The following RBFOX1 variants were observed in gnomAD, a reference collection of about 807,000 sequenced individuals.
RBFOX1 encodes RNA binding protein fox-1 homolog 1.
A neutral mutation model predicts 57.7 loss-of-function variants in RBFOX1; 8 were observed. The ratio of observed to expected loss-of-function variants is 0.14; its 90% confidence interval spans 0.08 to 0.25. RBFOX1 has a LOEUF of 0.25. Among genes scored for constraint, RBFOX1 ranks in the 10% least tolerant of loss-of-function variants. RBFOX1 has a pLI of 1.00. For synonymous variants in RBFOX1, 326 were observed against 222.4 expected (o/e 1.47, Z -4.15); for missense variants, 611 against 548.5 (o/e 1.11, Z -1.14).
At chr16:5,999,340 C>T (rs1021232159) in intron 4 of RBFOX1, among the ~76,000 whole-genome samples, 14 of 152,354 alleles carry the variant, frequency 9.2e-5, no homozygotes, top group Admixed American at 7.2e-4. Context: ...TCAGACATCA[C>T]TTCCACAAAT....
At chr16:5,675,904 G>T (rs182327622) in intron 3 of RBFOX1, among the ~76,000 whole-genome samples, 1 of 152,206 alleles carries the variant, frequency 6.6e-6, no homozygotes, top group Non-Finnish European at 1.5e-5. Context: ...GCTCTCATTT[G>T]GGGGAACATA....
chr16:6,152,719 C>T (rs1006796094), intron 1 of RBFOX1, among the ~76,000 whole-genome samples: 1 of 152,118 alleles, frequency 6.6e-6, no homozygotes, highest in Non-Finnish European at 1.5e-5. Flanking sequence ...ACACATCTTC[C>T]ACGTGGGCCC....
intron 4 of RBFOX1, among the ~76,000 whole-genome samples, chr16:7,398,892 G>A (rs751176969): frequency 3.3e-5 from 5 of 152,088 alleles, no homozygotes; most frequent in Non-Finnish European, 7.4e-5. Context: ...TCATTCATAC[G>A]GCTACTGTAA....
chr16:6,609,497 C>G (rs935402116), intron 2 of RBFOX1, among the ~76,000 whole-genome samples: 2 of 152,064 alleles, frequency 1.3e-5, no homozygotes, highest in Admixed American at 1.3e-4. Context: ...GTGCATGCCA[C>G]CACACTTGGC....
At chr16:6,672,482 G>GA in intron 3 of RBFOX1, among the ~76,000 whole-genome samples, 1 of 148,836 alleles carries the variant, frequency 6.7e-6, no homozygotes, top group East Asian at 2.0e-4. Context: ...AAAGAAAAAA[G>GA]AAAAAGGGAG....
chr16:6,202,674 C>G (rs376446524), intron 1 of RBFOX1, among the ~76,000 whole-genome samples: 9 of 152,138 alleles, frequency 5.9e-5, no homozygotes, highest in African/African-American at 2.2e-4. Flanking sequence ...TCGGAGGTAA[C>G]TATACATCCA....
chr16:6,242,421 A>T (rs558542897), intron 1 of RBFOX1, among the ~76,000 whole-genome samples: 17 of 151,616 alleles, frequency 1.1e-4, no homozygotes, highest in Middle Eastern at 3.4e-3. Flanking sequence ...TGGAGACAGG[A>T]TCTCACTATG....
At chr16:5,691,309 C>G (rs1454708140) in intron 3 of RBFOX1, among the ~76,000 whole-genome samples, 1 of 152,144 alleles carries the variant, frequency 6.6e-6, no homozygotes, top group African/African-American at 2.4e-5. Flanking sequence ...ACATAAGACC[C>G]TGGGAAGCTG....
rs2050909633 is a variant in RBFOX1 at position 5,698,167 on chromosome 16, T to C, written c.318+99206T>C. On this transcript the variant is annotated intron_variant, in intron 3 of 19. Coordinates refer to the RBFOX1 transcript ENST00000641259. ...TTTATTTGAGATTTTTACATCTGTGTTGATAAGTGAGAATGGTTTATAATT... is the reference window on the plus strand; with the variant it reads ...TTTATTTGAGATTTTTACATCTGTGCTGATAAGTGAGAATGGTTTATAATT... 2.0e-5 allele frequency among the ~76,000 whole-genome samples: 3 copies of C among 152,226 alleles called. No homozygotes were observed. The South Asian group carries it at 6.2e-4, about 31-fold the overall frequency.
At chr16:7,089,543 C>T (rs1284592244) in intron 4 of RBFOX1, among the ~76,000 whole-genome samples, 1 of 152,012 alleles carries the variant, frequency 6.6e-6, no homozygotes, top group African/African-American at 2.4e-5. Context: ...ATCAATAATT[C>T]CTTTAGGCTG....
At chr16:7,041,319 C>T (rs1052308561) in intron 3 of RBFOX1, among the ~76,000 whole-genome samples, 23 of 151,978 alleles carry the variant, frequency 1.5e-4, no homozygotes, top group Non-Finnish European at 2.9e-4. Flanking sequence ...ATGGGAGAAC[C>T]GAGTAGCTGC....
At chr16:6,834,995 C>T (rs760757217) in intron 3 of RBFOX1, among the ~76,000 whole-genome samples, 1 of 151,670 alleles carries the variant, frequency 6.6e-6, no homozygotes, top group Non-Finnish European at 1.5e-5. Flanking sequence ...CAGGTTCACG[C>T]CATTCTCCTG....
intron 2 of RBFOX1, among the ~76,000 whole-genome samples, chr16:6,619,314 C>T (rs1345041494): frequency 6.6e-6 from 1 of 152,124 alleles, no homozygotes; most frequent in Non-Finnish European, 1.5e-5. Flanking sequence ...CTCTCGTTTG[C>T]ATATCTTGGT....
At chr16:7,391,850 C>G (rs12446442) in intron 4 of RBFOX1, among the ~76,000 whole-genome samples, 1 of 152,100 alleles carries the variant, frequency 6.6e-6, no homozygotes, top group African/African-American at 2.4e-5. Context: ...CACAACCAGC[C>G]TGTCCAGACA....
intron 4 of RBFOX1, among the ~76,000 whole-genome samples, chr16:7,441,560 G>C (rs1468873577): frequency 2.0e-5 from 3 of 151,846 alleles, no homozygotes; most frequent in Non-Finnish European, 4.4e-5. Context: ...TTGTAAACCT[G>C]AAATCTACAC....
intron 4 of RBFOX1, among the ~76,000 whole-genome samples, chr16:7,396,157 G>C (rs1293918191): frequency 1.3e-5 from 2 of 152,090 alleles, no homozygotes; most frequent in Non-Finnish European, 2.9e-5. Flanking sequence ...AGGAGGACGA[G>C]AGGAAGAAGA....
chr16:5,490,950 T>C (rs1450620348), intron 2 of RBFOX1, among the ~76,000 whole-genome samples: 1 of 152,160 alleles, frequency 6.6e-6, no homozygotes, highest in Admixed American at 6.5e-5. Flanking sequence ...CAAACCTAGA[T>C]AATGTATATA....
chr16:5,769,023 T>G (rs956397006), intron 3 of RBFOX1, among the ~76,000 whole-genome samples: 1 of 152,024 alleles, frequency 6.6e-6, no homozygotes, highest in Non-Finnish European at 1.5e-5. Flanking sequence ...TCAAACAATT[T>G]TGTCAGCAGA....
At chr16:6,046,486 A>C (rs1186193455) in intron 1 of RBFOX1, among the ~76,000 whole-genome samples, 1 of 152,196 alleles carries the variant, frequency 6.6e-6, no homozygotes, top group African/African-American at 2.4e-5. Context: ...TGTATACTCG[A>C]GTCTAGAGCT....
Sources: gnomAD v4.1 joint callset for allele counts (sites outside exome capture counted in the v4.1 genomes callset) on GRCh38, gnomAD v4.1.1 for gene constraint, MANE v1.5 for transcripts, NCBI Gene and HGNC (gene_info 2026-07-23, HGNC 2026-07-21) for gene names.